The following PLAAT1 variants were observed in gnomAD, a reference collection of about 807,000 sequenced individuals.
The protein encoded by PLAAT1 is H-REV107 protein-related protein.
A neutral mutation model predicts 16.4 loss-of-function variants in PLAAT1; 13 were observed. The ratio of observed to expected loss-of-function variants is 0.79; its 90% CI spans 0.52 to 1.26. The LOEUF is 1.26. Among genes scored for constraint, PLAAT1 ranks in the 50% most tolerant of loss-of-function variants. The probability of loss-of-function intolerance (pLI) is 0.00; values close to 1 mark genes in which losing one functional copy is unlikely to be tolerated. For synonymous variants in PLAAT1, 73 were observed against 78.4 expected, an observed-to-expected ratio of 0.93 and a Z score of 0.36; for missense variants, 218 against 207.8, an observed-to-expected ratio of 1.05 and a Z score of -0.30.
Position 193,270,699 on chromosome 3 carries a change from C to T in PLAAT1, c.501C>T (p.Tyr167=). 6.2e-7 allele frequency: 1 copy of T among 1,612,064 alleles called. No individual in the cohort carries two copies. The highest frequency in any genetic ancestry group is 8.5e-7 in the Non-Finnish European group (1 of 1,178,824). ...TTCCAAAAGGACAAAGAGCAAAATA[C>T]TATTAACAATTTACCAAAGAGATAT... ...GLFPKGQRAK[Y]Y is the part of the protein sequence containing the mutation. Residue 167 remains tyrosine, a synonymous_variant, in exon 4 of 4, where the codon TAC becomes TAT. Coordinates refer to ENST00000264735, the MANE Select transcript of PLAAT1 (RefSeq NM_020386.5).
chr3:193,245,055 A>C (rs1019222461), intron 1 of PLAAT1, among the ~76,000 whole-genome samples: 1 of 152,204 alleles, frequency 6.6e-6, no homozygotes, highest in African/African-American at 2.4e-5. Context: ...GGTGGTGAGA[A>C]TGTTAAAAAT....
Position 193,263,121 on chromosome 3 carries a change from AATC to A in PLAAT1, c.294_296del (p.Ile99del), listed in dbSNP as rs1577308928. Reference sequence around the variant, plus strand: ...CGTACCCCCCTCTCCCTGTGGAAGAAATCATAAAGCGGTCAGAGTTTGTAATTG... The same window carrying A: ...CGTACCCCCCTCTCCCTGTGGAAGAAATAAAGCGGTCAGAGTTTGTAATTG... On this transcript the variant is annotated inframe_deletion, in exon 3 of 4. Coordinates refer to ENST00000264735, the MANE Select transcript of PLAAT1 (RefSeq NM_020386.5). 1 of 1,614,218 alleles carries A rather than the reference AATC, an allele frequency of 6.2e-7. No homozygotes were observed. Among genetic ancestry groups the A allele is most frequent in the Non-Finnish European group, 8.5e-7 (1 of 1,180,040 alleles).
chr3:193,264,557 G>A (rs369000759), intron 3 of PLAAT1, among the ~76,000 whole-genome samples: 16 of 151,172 alleles, frequency 1.1e-4, no homozygotes, highest in East Asian at 3.9e-4. Flanking sequence ...AGGCTGGAGT[G>A]CAGTGGCACG....
intron 1 of PLAAT1, among the ~76,000 whole-genome samples, chr3:193,248,065 T>A (rs1352313610): frequency 2.6e-5 from 4 of 152,226 alleles, no homozygotes; most frequent in Non-Finnish European, 5.9e-5. Flanking sequence ...GATCTATTAA[T>A]ATTTGCTTTA....
rs746226759 is a variant in PLAAT1 at position 193,270,608 on chromosome 3, A to C, written c.410A>C (p.Asn137Thr). Residue 137 changes from asparagine (N) to threonine (T), a missense_variant, in exon 4 of 4, where the codon AAC becomes ACC. Asn to Thr is a moderately conservative substitution (Grantham distance 65). Transcript: ENST00000264735. The part of the protein sequence containing the change: ...RYGEGVSEQA[N>T]RAISTVEFVT... ...TTACTTCTTGTTTCCTTATAGGCCA[A>C]CCGAGCGATAAGTACCGTTGAGTTT... The C allele has an allele frequency of 3.7e-5, 60 of 1,612,230 alleles. No homozygotes were observed. The highest frequency in any genetic ancestry group is 4.8e-5 in the Non-Finnish European group (57 of 1,179,028).
chr3:193,278,012 C>T (rs1462280550), downstream of PLAAT1, among the ~76,000 whole-genome samples: 1 of 152,130 alleles, frequency 6.6e-6, no homozygotes, highest in African/African-American at 2.4e-5. Context: ...CCATGTTGGC[C>T]AGGCTGGTCT....
At chr3:193,277,911 C>G (rs760549974), downstream of PLAAT1, among the ~76,000 whole-genome samples, 40 of 152,200 alleles carry the variant, frequency 2.6e-4, no homozygotes, top group Admixed American at 6.5e-5. Context: ...CTGCAACATT[C>G]TCCTGCCTCA....
downstream of PLAAT1, chr3:193,270,982 C>A: frequency 2.4e-6 from 1 of 420,418 alleles, no homozygotes; most frequent in Non-Finnish European, 3.4e-6. Context: ...CATTTTATTT[C>A]TACTATAAAT....
downstream of PLAAT1, among the ~76,000 whole-genome samples, chr3:193,280,782 A>C (rs184846237): frequency 6.6e-6 from 1 of 152,196 alleles, no homozygotes; most frequent in South Asian, 2.1e-4. Context: ...CAGCATTGCC[A>C]TGATACAAAT....
At chr3:193,253,695 G>C (rs796360036) in intron 1 of PLAAT1, among the ~76,000 whole-genome samples, 6 of 152,204 alleles carry the variant, frequency 3.9e-5, no homozygotes, top group African/African-American at 1.4e-4. Context: ...AGAAGACTAA[G>C]AGAAGAGCTC....
At chr3:193,275,254 AT>A, downstream of PLAAT1, 1 of 1,614,046 alleles carries the variant, frequency 6.2e-7, no homozygotes, top group Non-Finnish European at 8.5e-7. Flanking sequence ...TAGAATCCAA[AT>A]TCTCTTTTGA....
chr3:193,249,013 T>A (rs1449964674), intron 1 of PLAAT1, among the ~76,000 whole-genome samples: 1 of 152,146 alleles, frequency 6.6e-6, no homozygotes, highest in Non-Finnish European at 1.5e-5. Flanking sequence ...TCCCTCAGCT[T>A]TTGTTTATCT....
At chr3:193,274,828 A>G (rs944136196), downstream of PLAAT1, 1 of 625,574 alleles carries the variant, frequency 1.6e-6, no homozygotes, top group Non-Finnish European at 2.7e-6. Context: ...AAAGGATGAT[A>G]CAGGAAATGC....
chr3:193,255,726 C>G lies in PLAAT1; in HGVS notation c.76C>G (p.Pro26Ala), dbSNP rs1426196047. 4 of 1,613,398 alleles carry G rather than the reference C, an allele frequency of 2.5e-6. No homozygotes were observed. The highest frequency in any genetic ancestry group is 3.4e-6 in the Non-Finnish European group (4 of 1,179,552). ...AGGGGACTTGATCGAAGTGTTCCGT[C>G]CTGGCTATCAGCACTGGGCCCTGTA... ...CPGDLIEVFR[P>A]GYQHWALYLG... The change falls in exon 2 of 4, where the codon CCT (proline) becomes GCT (alanine). Residue 26 changes from proline to alanine, a missense_variant. Physicochemically the swap from Pro to Ala is conservative, Grantham distance 27 (BLOSUM62 -1). Coordinates refer to ENST00000264735, the MANE Select transcript of PLAAT1 (RefSeq NM_020386.5).
At chr3:193,280,428 T>C (rs536499704), downstream of PLAAT1, among the ~76,000 whole-genome samples, 10 of 152,334 alleles carry the variant, frequency 6.6e-5, no homozygotes, top group Non-Finnish European at 1.5e-4. Flanking sequence ...TTATTTCATA[T>C]AGTATGTATC....
intron 2 of PLAAT1, among the ~76,000 whole-genome samples, chr3:193,259,992 T>C (rs1716523617): frequency 6.6e-6 from 1 of 152,100 alleles, no homozygotes; most frequent in Non-Finnish European, 1.5e-5. Flanking sequence ...ATCATAGTAC[T>C]GGTACAAAAA....
At chr3:193,260,695 A>G in intron 2 of PLAAT1, among the ~76,000 whole-genome samples, 1 of 152,126 alleles carries the variant, frequency 6.6e-6, no homozygotes, top group East Asian at 1.9e-4. Flanking sequence ...CAAAAAAAAA[A>G]ACAGATGCTG....
Position 193,270,742 on chromosome 3 carries a change from G to A in PLAAT1, c.*37G>A, listed in dbSNP as rs187171108. On this transcript the variant is annotated 3_prime_UTR_variant, in exon 4 of 4. Transcript: ENST00000264735. ...AGAGATATTGATATTGAAGGAATTTGGGAGGAGGAAAAGAAACCTGGGGTG... is the reference window on the plus strand; with the variant it reads ...AGAGATATTGATATTGAAGGAATTTAGGAGGAGGAAAAGAAACCTGGGGTG... 1.9e-6 allele frequency: 3 copies of A among 1,600,158 alleles called. No homozygotes were observed. In the African/African-American group the frequency reaches 4.0e-5, roughly 22 times the overall value.
At chr3:193,275,174 C>A (rs1381035575), downstream of PLAAT1, 7 of 1,614,078 alleles carry the variant, frequency 4.3e-6, no homozygotes, top group African/African-American at 8.0e-5. Context: ...AATAATCTGT[C>A]CTGTTTATGG....
Sources: allele counts gnomAD v4.1 joint callset (sites outside exome capture counted in the v4.1 genomes callset), GRCh38; gene constraint gnomAD v4.1.1; transcripts MANE v1.5; gene names NCBI Gene and HGNC (gene_info 2026-07-23, HGNC 2026-07-21).